Variants in CACNA1E observed in about 807,000 individuals in gnomAD.
The protein encoded by CACNA1E is calcium voltage-gated channel subunit alpha1 E, also known as voltage-dependent R-type calcium channel subunit alpha-1E.
Under a neutral mutation model 259.2 loss-of-function variants are expected in CACNA1E, and 40 were observed. The observed-to-expected ratio is 0.15, with a 90% CI of 0.12 to 0.20. The LOEUF is 0.20. Ranked by LOEUF, CACNA1E falls within the 10% of genes least tolerant of loss-of-function variation. The pLI is 1.00. For synonymous variants in CACNA1E, 1,104 were observed against 1,138.5 expected (o/e 0.97, Z 0.61); for missense variants, 1,874 against 3,040.1 (o/e 0.62, Z 9.02).
At chr1:181,506,358 G>C (rs967431493) in intron 1 of CACNA1E, among the ~76,000 whole-genome samples, 1 of 152,170 alleles carries the variant, frequency 6.6e-6, no homozygotes, top group Non-Finnish European at 1.5e-5. Flanking sequence ...AAATGGGAGT[G>C]GTGCCTCGGA....
chr1:181,504,376 TTCTA>T (rs1438494469), intron 1 of CACNA1E, among the ~76,000 whole-genome samples: 1 of 152,168 alleles, frequency 6.6e-6, no homozygotes, highest in Admixed American at 6.5e-5. Context: ...GTGCACAGCA[TTCTA>T]TCTGCCTGCC....
chr1:181,724,709 C>T (rs1400970376), intron 17 of CACNA1E, among the ~76,000 whole-genome samples, 172 bp downstream of exon 17: 2 of 152,208 alleles, frequency 1.3e-5, no homozygotes, highest in Non-Finnish European at 2.9e-5. Context: ...AAGGCTGGTT[C>T]ACTTTTATTG....
chr1:181,662,546 A>G (rs1647790817), intron 7 of CACNA1E, among the ~76,000 whole-genome samples: 1 of 152,186 alleles, frequency 6.6e-6, no homozygotes, highest in African/African-American at 2.4e-5. Context: ...TCAGTTACCC[A>G]ATTGTGAATA....
At chr1:181,488,454 A>G (rs1432061162) in intron 1 of CACNA1E, among the ~76,000 whole-genome samples, 1 of 152,214 alleles carries the variant, frequency 6.6e-6, no homozygotes, top group Non-Finnish European at 1.5e-5. Context: ...CTGGAGCTGT[A>G]GGAGAAAGTT....
At chr1:181,560,804 T>G (rs1427133060) in intron 3 of CACNA1E, among the ~76,000 whole-genome samples, 1 of 152,232 alleles carries the variant, frequency 6.6e-6, no homozygotes, top group African/African-American at 2.4e-5. Context: ...AGCAGCATTA[T>G]TCACAATAAC....
chr1:181,552,811 A>C (rs1000967096), intron 3 of CACNA1E, among the ~76,000 whole-genome samples: 6 of 151,286 alleles, frequency 4.0e-5, no homozygotes, highest in African/African-American at 1.5e-4. Context: ...GGACATGGAT[A>C]TTTTGGTGTT....
intron 1 of CACNA1E, among the ~76,000 whole-genome samples, chr1:181,496,868 T>A (rs888693456): frequency 6.6e-6 from 1 of 152,194 alleles, no homozygotes; most frequent in African/African-American, 2.4e-5. Flanking sequence ...TTTGTATTTG[T>A]GAAATAACTG....
rs369308237 is a variant in CACNA1E at position 181,510,575 on chromosome 1, G to A, written c.365G>A (p.Arg122Gln). 5.0e-6 allele frequency: 8 copies of A among 1,603,740 alleles called. No individual in the cohort carries two copies. The highest frequency in any genetic ancestry group is 1.1e-5 in the South Asian group (1 of 90,838). Residue 122 changes from arginine to glutamine, a missense_variant, in exon 2 of 48, where the codon CGA becomes CAA. Physicochemically the swap from Arg to Gln is conservative, Grantham distance 43 (BLOSUM62 1). Transcript: ENST00000367573. Reference sequence around the variant, plus strand: ...GAGGATGACAAGACCCCCATGTCCCGAAGACTGGTATGTGATTCCCCTCCT... The same window carrying A: ...GAGGATGACAAGACCCCCATGTCCCAAAGACTGGTATGTGATTCCCCTCCT... ...LPEDDKTPMSRRLEKTEPYFI... is the reference protein window; with the variant it reads ...LPEDDKTPMSQRLEKTEPYFI...
chr1:181,685,000 TA>T (rs1650371311), intron 7 of CACNA1E, among the ~76,000 whole-genome samples: 1 of 151,886 alleles, frequency 6.6e-6, no homozygotes, highest in South Asian at 2.1e-4. Flanking sequence ...TAATATATTG[TA>T]AAGACTGAGT....
At chr1:181,409,256 C>T (rs1346178981) in intron 1 of CACNA1E, among the ~76,000 whole-genome samples, 2 of 152,154 alleles carry the variant, frequency 1.3e-5, no homozygotes, top group African/African-American at 4.8e-5. Context: ...GCATGCAAAG[C>T]TTGAAATATT....
chr1:181,767,298 T>C (rs928490986), intron 35 of CACNA1E, among the ~76,000 whole-genome samples: 1 of 152,172 alleles, frequency 6.6e-6, no homozygotes, highest in Non-Finnish European at 1.5e-5. Context: ...CAAAGGATCT[T>C]TCAAAGATGA....
Position 181,798,701 on chromosome 1 carries a change from C to T in CACNA1E, c.6809C>T (p.Pro2270Leu), listed in dbSNP as rs868587270. 1 of 1,609,330 alleles carries T rather than the reference C, an allele frequency of 6.2e-7. No individual in the cohort carries two copies. The highest frequency in any genetic ancestry group is 1.1e-5 in the South Asian group (1 of 90,720). The change falls in exon 48 of 48, where the codon CCA (proline) becomes CTA (leucine). Residue 2270 changes from proline to leucine, a missense_variant. Physicochemically the swap from Pro to Leu is moderately conservative, Grantham distance 98 (BLOSUM62 -3). Around this residue, in one of 14 missense-constraint regions of CACNA1E, gnomAD observed 542 missense variants for 587.2 expected, o/e 0.92. Transcript: ENST00000367573. This position sits in a 1 kb window ranked among gnomAD's most constrained non-coding sequence, Gnocchi z 4.2. ...CGTTCCAACACCATCGGCTCAGCCC[C>T]ACCCCTGCGGCATAGCTGGCAGATG... ...LGRSNTIGSA[P>L]PLRHSWQMPN... is the part of the protein sequence containing the mutation.
At chr1:181,442,515 A>G (rs1262455168) in intron 2 of CACNA1E, among the ~76,000 whole-genome samples, 1 of 152,048 alleles carries the variant, frequency 6.6e-6, no homozygotes, top group Non-Finnish European at 1.5e-5. Flanking sequence ...TTTGCTCCTC[A>G]TTTTGTTCTT....
At chr1:181,659,498 A>G (rs1647391737) in intron 7 of CACNA1E, among the ~76,000 whole-genome samples, 2 of 152,236 alleles carry the variant, frequency 1.3e-5, no homozygotes, top group South Asian at 4.1e-4. Context: ...ATCAGGGGCT[A>G]CAGGGCAGCG....
chr1:181,543,984 G>C (rs1034956532), intron 3 of CACNA1E, among the ~76,000 whole-genome samples: 5 of 152,102 alleles, frequency 3.3e-5, no homozygotes, highest in Non-Finnish European at 7.3e-5. Context: ...ATTTTAAGAG[G>C]CATAACATAT....
chr1:181,499,726 T>G (rs577397353), intron 1 of CACNA1E, among the ~76,000 whole-genome samples: 1 of 152,328 alleles, frequency 6.6e-6, no homozygotes, highest in Non-Finnish European at 1.5e-5. Context: ...ACAAATTAAA[T>G]CCAAATTTCT....
chr1:181,425,466 T>C (rs2102214702), intron 2 of CACNA1E, among the ~76,000 whole-genome samples: 1 of 151,706 alleles, frequency 6.6e-6, no homozygotes, highest in Non-Finnish European at 1.5e-5. Flanking sequence ...TGAACATAAT[T>C]GGAGGAATTC....
At chr1:181,617,282 A>AT (rs144648847) in intron 6 of CACNA1E, among the ~76,000 whole-genome samples, 8,034 of 143,996 alleles carry the variant, frequency 0.056, 237 homozygotes, top group African/African-American at 0.088. Flanking sequence ...TATGAGCAGC[A>AT]TTTTTTTTTT....
At chr1:181,494,002 C>A (rs1375708172) in intron 1 of CACNA1E, among the ~76,000 whole-genome samples, 1 of 152,242 alleles carries the variant, frequency 6.6e-6, no homozygotes, top group Non-Finnish European at 1.5e-5. Flanking sequence ...CATCCTCTTC[C>A]AGGCCTCCGT....
Sources: gnomAD v4.1 joint callset for allele counts (sites outside exome capture counted in the v4.1 genomes callset) on GRCh38, gnomAD v4.1.1 for gene constraint, gnomAD v4.1.1 regional missense constraint, Gnocchi (gnomAD v3.1) non-coding constraint, MANE v1.5 for transcripts, NCBI Gene and HGNC (gene_info 2026-07-23, HGNC 2026-07-21) for gene names.